GRM3: variants seen among roughly 807,000 people sequenced by gnomAD.
GRM3 encodes the protein glutamate metabotropic receptor 3, also known as metabotropic glutamate receptor 3.
Under a neutral mutation model 70.5 loss-of-function variants are expected in GRM3, and 26 were observed. The observed-to-expected ratio is 0.37, with a 90% CI of 0.27 to 0.51. GRM3 has a LOEUF of 0.51. GRM3 is among the 20% of genes least tolerant of loss of function. The pLI is 0.93. For synonymous variants in GRM3, 443 were observed against 434.9 expected, an observed-to-expected ratio of 1.02 and a Z score of -0.23; for missense variants, 859 against 1,123.8, an observed-to-expected ratio of 0.76 and a Z score of 3.37.
intron 1 of GRM3, among the ~76,000 whole-genome samples, chr7:86,710,450 G>T (rs1795167630): frequency 6.8e-6 from 1 of 147,144 alleles, no homozygotes; most frequent in Non-Finnish European, 1.5e-5. Context: ...AAAGCAGATA[G>T]CCCAGGAAAA....
chr7:86,849,178 T>A lies in GRM3; in HGVS notation c.2392-1192T>A, dbSNP rs118173566. 2.7e-3 allele frequency among the ~76,000 whole-genome samples: 417 copies of A among 152,274 alleles called. 1 individual carries two copies. Among genetic ancestry groups the A allele is most frequent in the Middle Eastern group, 6.8e-3 (2 of 292 alleles). On this transcript the variant is annotated intron_variant, in intron 4 of 5. Coordinates refer to ENST00000361669, the MANE Select transcript of GRM3 (RefSeq NM_000840.3). Reference sequence around the variant, plus strand: ...CAGAAAGAGGACAATGCTAACATCATATTATACATATACGTAGAAAACAAA... The same window carrying A: ...CAGAAAGAGGACAATGCTAACATCAAATTATACATATACGTAGAAAACAAA...
chr7:86,650,792 G>A (rs1262134645), intron 1 of GRM3, among the ~76,000 whole-genome samples: 1 of 152,170 alleles, frequency 6.6e-6, no homozygotes. Context: ...AGGTGAGTAG[G>A]ATTTCTGCTG....
intron 1 of GRM3, among the ~76,000 whole-genome samples, chr7:86,748,421 A>G (rs977080374): frequency 6.6e-6 from 1 of 152,052 alleles, no homozygotes; most frequent in African/African-American, 2.4e-5. Flanking sequence ...CAAGCACAAT[A>G]TGTTACATCC....
rs1432619734 is a variant in GRM3, at chr7:86,644,807, G to A, written c.-206G>A. The stretch of plus-strand genomic sequence containing the variant: ...ACCAACCATGAGCCAGAGCCCGGGT[G>A]CAGGCTCACCGCCGCCGCTGCCACC... On this transcript the variant is annotated 5_prime_UTR_variant, in exon 1 of 6. Transcript: ENST00000361669. 2 of 1,289,632 alleles carry A rather than the reference G, an allele frequency of 1.6e-6. No homozygotes were observed. The highest frequency in any genetic ancestry group is 2.5e-5 in the South Asian group (2 of 81,030). 79.9% of individuals were successfully genotyped at this position (1,289,632 alleles called of 1,614,324 possible). A position where few individuals can be genotyped will look rare whatever the true frequency, so the allele number is the denominator to read the frequency against.
intron 1 of GRM3, among the ~76,000 whole-genome samples, chr7:86,682,408 T>C (rs1584161766): frequency 6.6e-6 from 1 of 152,264 alleles, no homozygotes; most frequent in East Asian, 1.9e-4. Flanking sequence ...CAAGTCTATG[T>C]ACCCAGTAAG....
At chr7:86,754,534 G>A (rs1357379279) in intron 1 of GRM3, among the ~76,000 whole-genome samples, 1 of 152,114 alleles carries the variant, frequency 6.6e-6, no homozygotes, top group Non-Finnish European at 1.5e-5. Flanking sequence ...GAGCCATCAT[G>A]AAGCCTGTGG....
At chr7:86,821,361 G>C (rs184073493) in intron 3 of GRM3, among the ~76,000 whole-genome samples, 8 of 152,246 alleles carry the variant, frequency 5.3e-5, no homozygotes, top group South Asian at 4.1e-4. Context: ...TTACACAGTG[G>C]TGGAAACAGA....
rs190553723 is a variant in GRM3, at chr7:86,652,184, C to G, written c.-141+7312C>G. Among the ~76,000 whole-genome samples, 122 of 151,802 alleles carry G rather than the reference C, an allele frequency of 8.0e-4. No homozygotes were observed. The Middle Eastern group carries it at 0.02, about 25-fold the overall frequency. The stretch of plus-strand genomic sequence containing the variant: ...CTCTTAGTTGTTGAACAAATGAAGC[C>G]CTGGTAGGAAAAAGATTGAGGTGTT... On this transcript the variant is annotated intron_variant, in intron 1 of 5. Coordinates refer to ENST00000361669, the MANE Select transcript of GRM3 (RefSeq NM_000840.3).
At chr7:86,713,945 G>A (rs1458998413) in intron 1 of GRM3, among the ~76,000 whole-genome samples, 1 of 151,908 alleles carries the variant, frequency 6.6e-6, no homozygotes, top group Non-Finnish European at 1.5e-5. Context: ...GCTCCTTCCA[G>A]CCCATTGTAG....
At chr7:86,653,602 T>C (rs1014464355) in intron 1 of GRM3, among the ~76,000 whole-genome samples, 5 of 152,150 alleles carry the variant, frequency 3.3e-5, no homozygotes, top group Non-Finnish European at 5.9e-5. Context: ...CCATGAGATA[T>C]GCAAACACAT....
At chr7:86,822,146 A>G (rs1219394096) in intron 3 of GRM3, among the ~76,000 whole-genome samples, 2 of 151,962 alleles carry the variant, frequency 1.3e-5, no homozygotes, top group South Asian at 4.2e-4. Context: ...TTTTCTTTCA[A>G]TATTTTACTA....
chr7:86,809,928 A>G (rs1797875974), intron 3 of GRM3, among the ~76,000 whole-genome samples: 1 of 152,090 alleles, frequency 6.6e-6, no homozygotes, highest in South Asian at 2.1e-4. Flanking sequence ...TCTTAAACAT[A>G]CTCAAAGGGA....
At chr7:86,763,960 T>C (rs1397924413) in intron 1 of GRM3, among the ~76,000 whole-genome samples, 1 of 151,890 alleles carries the variant, frequency 6.6e-6, no homozygotes, top group African/African-American at 2.4e-5. Flanking sequence ...AGTGGTAGCT[T>C]TGGGAGATGT....
chr7:86,787,473 C>T, intron 3 of GRM3, among the ~76,000 whole-genome samples: 1 of 152,140 alleles, frequency 6.6e-6, no homozygotes. Context: ...GCAGAATTGG[C>T]ACCTCTCTAG....
At chr7:86,683,308 G>A (rs1042918551) in intron 1 of GRM3, among the ~76,000 whole-genome samples, 6 of 152,200 alleles carry the variant, frequency 3.9e-5, no homozygotes, top group African/African-American at 1.4e-4. Flanking sequence ...GAACATGTAG[G>A]AAGAGCTGAG....
rs754330939 is a variant in GRM3 at position 86,765,222 on chromosome 7, A to G, written c.77A>G (p.His26Arg). ...SKGFLLSLGD[H>R]NFLRREIKIE... ...GGATTTTTACTCTCTTTAGGGGACC[A>G]TAACTTTCTAAGGAGAGAGATTAAA... The change falls in exon 2 of 6, where the codon CAT becomes CGT. Residue 26 changes from histidine (H) to arginine (R), a missense_variant. Transcript: ENST00000361669. 7 of 1,613,500 alleles carry G rather than the reference A, an allele frequency of 4.3e-6. No homozygotes were observed. Among genetic ancestry groups the G allele is most frequent in the South Asian group, 2.2e-5 (2 of 91,060 alleles).
At position 86,838,143 on chromosome 7, in the gene GRM3, C is replaced by T. The variant is rs374647201; in HGVS notation, c.1325-696C>T. ...CTTAGGAAATTTCAAAGTCTACTTA[C>T]GTAGATTCTACATACAGCTAGGTTG... On this transcript the variant is annotated intron_variant, in intron 3 of 5. Coordinates refer to ENST00000361669, the MANE Select transcript of GRM3 (RefSeq NM_000840.3). Among the ~76,000 whole-genome samples the T allele has an allele frequency of 2.0e-5, 3 of 152,208 alleles. No homozygotes were observed. The East Asian group carries it at 5.8e-4, about 29-fold the overall frequency.
At chr7:86,719,092 T>G (rs1795390800) in intron 1 of GRM3, among the ~76,000 whole-genome samples, 1 of 152,008 alleles carries the variant, frequency 6.6e-6, no homozygotes, top group African/African-American at 2.4e-5. Context: ...ACTACTCATC[T>G]ATATAAAGAA....
chr7:86,657,639 A>G (rs1793780597), intron 1 of GRM3, among the ~76,000 whole-genome samples: 1 of 152,192 alleles, frequency 6.6e-6, no homozygotes, highest in Non-Finnish European at 1.5e-5. Flanking sequence ...AAGACACTTG[A>G]GCAGGGGAAT....
Sources: gnomAD v4.1 joint callset for allele counts (sites outside exome capture counted in the v4.1 genomes callset) on GRCh38, gnomAD v4.1.1 for gene constraint, MANE v1.5 for transcripts, NCBI Gene and HGNC (gene_info 2026-07-23, HGNC 2026-07-21) for gene names.